Variants in KIAA1217 observed in about 807,000 individuals in gnomAD.
KIAA1217 encodes the protein sickle tail protein homolog.
In KIAA1217, 88 loss-of-function variants were observed where a neutral mutation model predicts 163.9. The observed-to-expected ratio is 0.54, with a 90% confidence interval of 0.45 to 0.64. The LOEUF is 0.64. KIAA1217 is among the 30% of genes least tolerant of loss of function. KIAA1217 has a pLI of 0.00. For synonymous variants in KIAA1217, 903 were observed against 923.1 expected, an observed-to-expected ratio of 0.98 and a Z score of 0.39; for missense variants, 2,372 against 2,475.0, an observed-to-expected ratio of 0.96 and a Z score of 0.88.
At chr10:24,003,088 T>A (rs143865667) in intron 1 of KIAA1217, among the ~76,000 whole-genome samples, 3 of 152,354 alleles carry the variant, frequency 2.0e-5, no homozygotes, top group East Asian at 1.9e-4. Flanking sequence ...ATCTCTACAA[T>A]TGTGAATTGT....
intron 2 of KIAA1217, among the ~76,000 whole-genome samples, chr10:24,374,412 T>C (rs550769425): frequency 1.3e-5 from 2 of 152,314 alleles, no homozygotes; most frequent in East Asian, 3.9e-4. Flanking sequence ...GTGTATATTG[T>C]ACTGTAGATT....
chr10:24,420,956 T>A (rs2058682410), intron 3 of KIAA1217, among the ~76,000 whole-genome samples: 1 of 152,282 alleles, frequency 6.6e-6, no homozygotes, highest in South Asian at 2.1e-4. Context: ...TTATTATTAT[T>A]CCTCAAAATT....
rs568642999 is a variant in KIAA1217, at chr10:24,235,319, T to C, written c.354+15410T>C. ...CCCTCTGCACCAACAGTTGACAGAA[T>C]GTGAATGGATAATTTCTAAAAACAA... On this transcript the variant is annotated intron_variant, in intron 2 of 20. Coordinates refer to ENST00000376454, the MANE Select transcript of KIAA1217 (RefSeq NM_019590.5). Among the ~76,000 whole-genome samples the C allele has an allele frequency of 7.2e-5, 11 of 152,302 alleles. No homozygotes were observed. The East Asian group carries it at 2.1e-3, about 29-fold the overall frequency.
At chr10:24,140,916 A>G (rs924919353) in intron 2 of KIAA1217, among the ~76,000 whole-genome samples, 13 of 152,150 alleles carry the variant, frequency 8.5e-5, no homozygotes, top group African/African-American at 3.1e-4. Context: ...AAACAATATT[A>G]AATAATAATT....
At chr10:23,754,839 CT>C (rs36008020) in intron 1 of KIAA1217, among the ~76,000 whole-genome samples, 22,429 of 145,984 alleles carry the variant, frequency 0.15, 1,854 homozygotes, top group Middle Eastern at 0.18. Flanking sequence ...TTTCCTGCAA[CT>C]TTTTTTTTTT....
intron 2 of KIAA1217, among the ~76,000 whole-genome samples, chr10:24,202,505 G>T (rs564740715): frequency 2.6e-5 from 4 of 152,168 alleles, no homozygotes; most frequent in Non-Finnish European, 5.9e-5. Flanking sequence ...TGTTCTCGGA[G>T]CCTCCACCCT....
intron 2 of KIAA1217, among the ~76,000 whole-genome samples, chr10:24,143,954 C>T (rs971210825): frequency 2.0e-5 from 3 of 152,156 alleles, no homozygotes; most frequent in African/African-American, 7.2e-5. Flanking sequence ...GAATCATGGA[C>T]TTCTCAGCTG....
chr10:24,339,351 T>C (rs898278560), intron 2 of KIAA1217, among the ~76,000 whole-genome samples: 9 of 152,256 alleles, frequency 5.9e-5, no homozygotes, highest in Non-Finnish European at 1.3e-4. Flanking sequence ...TCATTAATAG[T>C]TCATTAGTTA....
chr10:24,128,806 G>A (rs1380427556), intron 2 of KIAA1217, among the ~76,000 whole-genome samples: 3 of 152,198 alleles, frequency 2.0e-5, no homozygotes, highest in Non-Finnish European at 1.5e-5. Flanking sequence ...AGATAAATAA[G>A]AATGAATAGT....
intron 2 of KIAA1217, among the ~76,000 whole-genome samples, chr10:24,140,456 A>G (rs530708703): frequency 6.6e-6 from 1 of 152,270 alleles, no homozygotes; most frequent in Admixed American, 6.5e-5. Context: ...AGTATGAAGT[A>G]AAATAAGCTT....
At chr10:24,137,111 G>C (rs553523665) in intron 2 of KIAA1217, among the ~76,000 whole-genome samples, 27 of 152,306 alleles carry the variant, frequency 1.8e-4, no homozygotes, top group Admixed American at 1.1e-3. Flanking sequence ...GCATCATGTG[G>C]AATCACATTT....
intron 2 of KIAA1217, among the ~76,000 whole-genome samples, chr10:24,077,555 C>G (rs1464160061): frequency 6.6e-6 from 1 of 152,166 alleles, no homozygotes. Context: ...TGTATACATA[C>G]CACATTTTCT....
chr10:24,099,586 T>TATATATATATATATATATATTA lies in KIAA1217; in HGVS notation c.-171+92212_-171+92213insATATATATATATATATATATTA, dbSNP rs1306527831. Among the ~76,000 whole-genome samples the TATATATATATATATATATATTA allele has an allele frequency of 1.5e-4, 22 of 143,404 alleles. No individual in the cohort carries two copies. In the East Asian group the frequency reaches 2.5e-3, roughly 16 times the overall value. 94.1% of individuals were successfully genotyped at this position (143,404 alleles called of 152,430 possible). ...CATTTTCTTTATATATATATATATA[T>TATATATATATATATATATATTA]TATATATATATATTTTATTATACTT... is the stretch of plus-strand genomic sequence containing the variant. On this transcript the variant is annotated intron_variant, in intron 2 of 18. Coordinates refer to the KIAA1217 transcript ENST00000376462.
At chr10:24,072,922 A>G (rs2061237099) in intron 2 of KIAA1217, among the ~76,000 whole-genome samples, 1 of 151,928 alleles carries the variant, frequency 6.6e-6, no homozygotes, top group Admixed American at 6.6e-5. Flanking sequence ...ACTGGGCATC[A>G]TGGTGCATGC....
At chr10:23,814,481 G>A (rs1013444663) in intron 1 of KIAA1217, among the ~76,000 whole-genome samples, 2 of 152,154 alleles carry the variant, frequency 1.3e-5, no homozygotes, top group African/African-American at 4.8e-5. Flanking sequence ...TATTTCCCAT[G>A]ACTGTTCACT....
At chr10:24,312,713 C>T (rs974249918) in intron 2 of KIAA1217, among the ~76,000 whole-genome samples, 11 of 151,900 alleles carry the variant, frequency 7.2e-5, no homozygotes, top group East Asian at 5.8e-4. Context: ...TCCAGGAGTT[C>T]GAGACCAGCC....
At chr10:23,894,372 A>T (rs1292946271) in intron 1 of KIAA1217, among the ~76,000 whole-genome samples, 1 of 151,514 alleles carries the variant, frequency 6.6e-6, no homozygotes, top group Non-Finnish European at 1.5e-5. Flanking sequence ...CCAAATCATG[A>T]GTGAACTCCC....
intron 2 of KIAA1217, among the ~76,000 whole-genome samples, chr10:24,091,557 A>T (rs1440133514): frequency 1.3e-5 from 2 of 151,900 alleles, no homozygotes; most frequent in Non-Finnish European, 2.9e-5. Flanking sequence ...GGGAACTTTC[A>T]TGAGCATGCT....
intron 2 of KIAA1217, among the ~76,000 whole-genome samples, chr10:24,282,395 A>G (rs1235824925): frequency 2.0e-5 from 3 of 152,112 alleles, no homozygotes; most frequent in African/African-American, 7.2e-5. Context: ...GGAGTGTGCT[A>G]TGTTCCCCCT....
Sources: gnomAD v4.1 joint callset for allele counts (sites outside exome capture counted in the v4.1 genomes callset) on GRCh38, gnomAD v4.1.1 for gene constraint, MANE v1.5 for transcripts, NCBI Gene and HGNC (gene_info 2026-07-23, HGNC 2026-07-21) for gene names.